FHIT: variants seen among roughly 807,000 people sequenced by gnomAD.
FHIT encodes bis(5'-adenosyl)-triphosphatase.
Under a neutral mutation model 17.9 loss-of-function variants are expected in FHIT, and 19 were observed. That is an observed-to-expected ratio of 1.06 (90% CI 0.74 to 1.56). FHIT has a LOEUF of 1.56. Among genes scored for constraint, FHIT ranks in the 40% most tolerant of loss-of-function variants. The probability of loss-of-function intolerance (pLI) is 0.00; values close to 1 mark genes in which losing one functional copy is unlikely to be tolerated. For missense variants in FHIT, 248 were observed against 189.2 expected, an observed-to-expected ratio of 1.31 and a Z score of -1.82; for synonymous variants, 81 against 69.7, an observed-to-expected ratio of 1.16 and a Z score of -0.81.
Position 60,200,516 on chromosome 3 carries a change from G to A in FHIT, c.104-186364C>T, listed in dbSNP as rs548904870. ...GAGAATGTAATTTTGTATAAAATGG[G>A]AAAAATTAATTAAATCATTAAAATA... is the stretch of plus-strand genomic sequence containing the variant. On this transcript the variant is annotated intron_variant, in intron 5 of 9. Coordinates refer to ENST00000492590, the MANE Select transcript of FHIT (RefSeq NM_002012.4). 5.3e-5 allele frequency among the ~76,000 whole-genome samples: 8 copies of A among 152,100 alleles called. No homozygotes were observed. In the East Asian group the frequency reaches 1.4e-3, roughly 26 times the overall value.
chr3:61,025,666 T>C (rs1410321723), intron 3 of FHIT, among the ~76,000 whole-genome samples: 1 of 152,168 alleles, frequency 6.6e-6, no homozygotes, highest in African/African-American at 2.4e-5. Context: ...CTCTCCTACT[T>C]CCCATCTACC....
intron 7 of FHIT, among the ~76,000 whole-genome samples, chr3:59,989,190 C>T (rs2107466819): frequency 6.6e-6 from 1 of 152,188 alleles, no homozygotes; most frequent in East Asian, 1.9e-4. Flanking sequence ...CAGATATTCT[C>T]ATTTCAAGCC....
At chr3:60,502,905 C>T (rs1447152059) in intron 5 of FHIT, among the ~76,000 whole-genome samples, 2 of 152,148 alleles carry the variant, frequency 1.3e-5, no homozygotes, top group African/African-American at 4.8e-5. Flanking sequence ...AAAAACACAT[C>T]CAGAACTTAG....
chr3:60,638,185 C>G (rs2039637232), intron 4 of FHIT, among the ~76,000 whole-genome samples: 2 of 152,152 alleles, frequency 1.3e-5, no homozygotes, highest in South Asian at 4.1e-4. Context: ...AACACTTACC[C>G]TGCCTTTCCT....
intron 5 of FHIT, among the ~76,000 whole-genome samples, chr3:60,364,121 G>C (rs527962405): frequency 3.8e-4 from 58 of 152,270 alleles, no homozygotes; most frequent in Non-Finnish European, 8.2e-4. Flanking sequence ...ATGCTGATTT[G>C]AATGTACCAT....
intron 2 of FHIT, among the ~76,000 whole-genome samples, chr3:61,172,173 T>TTA (rs1314695800): frequency 1.3e-5 from 2 of 152,096 alleles, no homozygotes; most frequent in Non-Finnish European, 2.9e-5. Context: ...ACAATCTCAA[T>TTA]TATATATATA....
chr3:60,055,343 T>A (rs780552441), intron 5 of FHIT, among the ~76,000 whole-genome samples: 2 of 152,024 alleles, frequency 1.3e-5, no homozygotes, highest in Non-Finnish European at 2.9e-5. Context: ...TCAAACACTG[T>A]CCTACATACA....
chr3:60,207,169 C>T (rs113320591), intron 5 of FHIT, among the ~76,000 whole-genome samples: 6 of 149,556 alleles, frequency 4.0e-5, no homozygotes, highest in East Asian at 2.0e-4. Context: ...TGTCAGTGTG[C>T]GTGTGTGTGT....
chr3:60,868,787 G>A (rs2594123), intron 3 of FHIT, among the ~76,000 whole-genome samples: 8,572 of 152,130 alleles, frequency 0.056, 290 homozygotes, highest in South Asian at 0.11. Context: ...TTCTCAAAGC[G>A]AAGCTCCAGG....
chr3:59,760,403 A>C (rs1262018856), intron 8 of FHIT, among the ~76,000 whole-genome samples: 2 of 152,200 alleles, frequency 1.3e-5, no homozygotes, highest in African/African-American at 2.4e-5. Context: ...CCGATTGCCA[A>C]AGCGGCAAAT....
intron 5 of FHIT, among the ~76,000 whole-genome samples, chr3:60,334,570 G>C (rs935872291): frequency 2.0e-5 from 3 of 152,142 alleles, no homozygotes; most frequent in African/African-American, 7.2e-5. Flanking sequence ...GTGGATCATC[G>C]AGGTCAGGAG....
At chr3:61,245,592 T>C (rs1015567536) in intron 1 of FHIT, among the ~76,000 whole-genome samples, 12 of 152,180 alleles carry the variant, frequency 7.9e-5, no homozygotes, top group Admixed American at 2.6e-4. Context: ...TGTATGCACA[T>C]TAAAATTAAA....
At chr3:60,137,198 C>T (rs537145054) in intron 5 of FHIT, among the ~76,000 whole-genome samples, 1 of 152,252 alleles carries the variant, frequency 6.6e-6, no homozygotes, top group East Asian at 1.9e-4. Context: ...CTCCCTAGAG[C>T]GGAATGGTTT....
chr3:60,093,494 C>A (rs1247358558), intron 5 of FHIT, among the ~76,000 whole-genome samples: 1 of 152,118 alleles, frequency 6.6e-6, no homozygotes, highest in Non-Finnish European at 1.5e-5. Context: ...AACCTTAATT[C>A]CCCACTGCAT....
chr3:61,193,079 A>C lies in FHIT; in HGVS notation c.-164+7538T>G, dbSNP rs138798277. 4.6e-5 allele frequency among the ~76,000 whole-genome samples: 7 copies of C among 152,342 alleles called. No homozygotes were observed. In the East Asian group the frequency reaches 1.3e-3, roughly 29 times the overall value. On this transcript the variant is annotated intron_variant, in intron 2 of 9. Coordinates refer to ENST00000492590, the MANE Select transcript of FHIT (RefSeq NM_002012.4). ...AATCCCCTAAATCCAGTCTCCATTA[A>C]AGACTTTTCTTTTTCAAAAAAGCCT...
At position 59,814,079 on chromosome 3, in the gene FHIT, A is replaced by G. The variant is rs186508821; in HGVS notation, c.349-61758T>C. 6.2e-3 allele frequency among the ~76,000 whole-genome samples: 657 copies of G among 106,624 alleles called. 4 individuals are homozygous for G. Among genetic ancestry groups the G allele is most frequent in the Non-Finnish European group, 7.3e-3 (362 of 49,336 alleles). 69.9% of individuals were successfully genotyped at this position (106,624 alleles called of 152,430 possible). On this transcript the variant is annotated intron_variant, in intron 8 of 9. Transcript: ENST00000492590. ...ACACACACACACACACACACACCCG[A>G]CGGTGAATTATTCAGGGAGGAGAAA...
intron 8 of FHIT, among the ~76,000 whole-genome samples, chr3:59,835,443 C>G (rs893809102): frequency 6.6e-6 from 1 of 152,118 alleles, no homozygotes; most frequent in African/African-American, 2.4e-5. Context: ...ACCATTTCTA[C>G]TATACTGCAA....
At chr3:60,120,236 G>A (rs146289611) in intron 5 of FHIT, among the ~76,000 whole-genome samples, 291 of 152,278 alleles carry the variant, frequency 1.9e-3, no homozygotes, top group African/African-American at 6.5e-3. Context: ...TAAACTCTCT[G>A]GCAGCAGAAA....
intron 4 of FHIT, among the ~76,000 whole-genome samples, chr3:60,554,186 C>T (rs1464383256): frequency 3.3e-5 from 5 of 151,608 alleles, no homozygotes; most frequent in Admixed American, 3.3e-4. Context: ...CATGACTTCT[C>T]AGTCTGATGG....
Sources: allele counts gnomAD v4.1 joint callset (sites outside exome capture counted in the v4.1 genomes callset), GRCh38; gene constraint gnomAD v4.1.1; transcripts MANE v1.5; gene names NCBI Gene and HGNC (gene_info 2026-07-23, HGNC 2026-07-21).